Variants in STPG2 observed in about 807,000 individuals in gnomAD.
STPG2 encodes sperm-tail PG-rich repeat-containing protein 2.
Under a neutral mutation model 54.2 loss-of-function variants are expected in STPG2, and 56 were observed. That is an observed-to-expected ratio of 1.03 (90% CI 0.83 to 1.29). The LOEUF is 1.29. STPG2 is among the 50% of genes most tolerant of loss of function. The pLI, the probability that STPG2 is intolerant of heterozygous loss-of-function variation, is 0.00. For missense variants in STPG2, 596 were observed against 544.9 expected (o/e 1.09, Z -0.93); for synonymous variants, 200 against 181.8 (o/e 1.10, Z -0.81).
At chr4:97,737,666 A>C (rs4586948) in intron 9 of STPG2, among the ~76,000 whole-genome samples, 1 of 151,994 alleles carries the variant, frequency 6.6e-6, no homozygotes, top group Non-Finnish European at 1.5e-5. Context: ...AGAGAAAAAA[A>C]AATAAAAAGA....
rs145035984 is a variant in STPG2, at chr4:97,507,556, C to G, written c.462+205143G>C. ...AATCCCACAGGTTAAAGGGCAAAAT[C>G]CTCCATAAGACTGCCCTCATTTCAG... On this transcript the variant is annotated intron_variant, in intron 4 of 4. Coordinates refer to the STPG2 transcript ENST00000522676. Among the ~76,000 whole-genome samples the G allele has an allele frequency of 9.7e-3, 1,470 of 152,126 alleles. 19 individuals are homozygous for G. The highest frequency in any genetic ancestry group is 0.033 in the African/African-American group (1,391 of 41,532).
At chr4:98,070,250 G>A (rs901752586) in intron 5 of STPG2, among the ~76,000 whole-genome samples, 8 of 151,884 alleles carry the variant, frequency 5.3e-5, no homozygotes, top group Admixed American at 5.3e-4. Flanking sequence ...CACACAAACA[G>A]AATTAAAGGC....
At chr4:97,739,872 C>T (rs1277653522) in intron 9 of STPG2, among the ~76,000 whole-genome samples, 1 of 152,038 alleles carries the variant, frequency 6.6e-6, no homozygotes, top group African/African-American at 2.4e-5. Context: ...ATGATGCCAG[C>T]ATCATCCTGA....
intron 8 of STPG2, among the ~76,000 whole-genome samples, chr4:97,905,875 A>G (rs1175825245): frequency 6.6e-6 from 1 of 152,200 alleles, no homozygotes; most frequent in Non-Finnish European, 1.5e-5. Context: ...CAGTGTGTAG[A>G]GGGAAATTTA....
intron 5 of STPG2, among the ~76,000 whole-genome samples, chr4:98,002,755 G>A (rs1267126872): frequency 2.6e-5 from 4 of 151,882 alleles, no homozygotes; most frequent in Non-Finnish European, 5.9e-5. Context: ...TGAAGATGAA[G>A]GAAATTCTTT....
intron 4 of STPG2, among the ~76,000 whole-genome samples, chr4:97,462,202 T>C (rs1282614416): frequency 6.6e-6 from 1 of 152,098 alleles, no homozygotes; most frequent in African/African-American, 2.4e-5. Flanking sequence ...TAAGACCAAC[T>C]TTCCATTGTC....
At chr4:98,080,822 T>C (rs779644822) in intron 5 of STPG2, among the ~76,000 whole-genome samples, 1 of 152,232 alleles carries the variant, frequency 6.6e-6, no homozygotes, top group Non-Finnish European at 1.5e-5. Flanking sequence ...ATGATCTCCA[T>C]TCTGACTCCT....
At chr4:98,066,748 CAAAA>C (rs1737849551) in intron 5 of STPG2, among the ~76,000 whole-genome samples, 1 of 152,058 alleles carries the variant, frequency 6.6e-6, no homozygotes, top group Non-Finnish European at 1.5e-5. Context: ...GTTTGTGAGT[CAAAA>C]AGATGTAATA....
intron 8 of STPG2, among the ~76,000 whole-genome samples, chr4:97,897,007 G>C (rs1017102550): frequency 3.3e-5 from 5 of 151,786 alleles, no homozygotes; most frequent in African/African-American, 1.2e-4. Context: ...CATCACCCAG[G>C]TATTAAGCCT....
At chr4:97,898,233 T>C (rs566807788) in intron 8 of STPG2, among the ~76,000 whole-genome samples, 2 of 152,258 alleles carry the variant, frequency 1.3e-5, no homozygotes, top group Non-Finnish European at 2.9e-5. Context: ...GACTTCTTTC[T>C]GGACTCTCTA....
At chr4:97,738,799 T>C (rs1255901828) in intron 9 of STPG2, among the ~76,000 whole-genome samples, 1 of 152,090 alleles carries the variant, frequency 6.6e-6, no homozygotes, top group Non-Finnish European at 1.5e-5. Flanking sequence ...ATTAGACAGA[T>C]CAACAAGACA....
At chr4:97,651,320 T>C (rs1722061271) in intron 10 of STPG2, among the ~76,000 whole-genome samples, 1 of 152,020 alleles carries the variant, frequency 6.6e-6, no homozygotes, top group African/African-American at 2.4e-5. Flanking sequence ...AACTTACAGT[T>C]GAAAAAGATT....
At chr4:98,048,818 G>C (rs992673905) in intron 5 of STPG2, 3 of 162,004 alleles carry the variant, frequency 1.9e-5, no homozygotes, top group Non-Finnish European at 4.2e-5. Flanking sequence ...GGTCTGGCTT[G>C]GCTGCAAAAC....
intron 8 of STPG2, among the ~76,000 whole-genome samples, chr4:97,847,842 C>T (rs1729003715): frequency 6.6e-6 from 1 of 152,184 alleles, no homozygotes; most frequent in African/African-American, 2.4e-5. Context: ...GTTCACCTTT[C>T]TCTCGCATAT....
chr4:97,810,462 CAAA>C (rs11386288), intron 9 of STPG2, among the ~76,000 whole-genome samples: 5 of 112,958 alleles, frequency 4.4e-5, no homozygotes, highest in African/African-American at 6.8e-5. Flanking sequence ...GACTCTGTCT[CAAA>C]AAAAAAAAAA....
At chr4:98,100,399 C>T (rs529770979) in intron 5 of STPG2, among the ~76,000 whole-genome samples, 2 of 152,022 alleles carry the variant, frequency 1.3e-5, no homozygotes, top group Non-Finnish European at 2.9e-5. Context: ...TAAGTTCAGA[C>T]AAAAACACCA....
At chr4:97,745,662 T>C (rs1220692025) in intron 9 of STPG2, among the ~76,000 whole-genome samples, 1 of 151,170 alleles carries the variant, frequency 6.6e-6, no homozygotes, top group Non-Finnish European at 1.5e-5. Context: ...TATTAGAGTT[T>C]AGTAAAACCT....
intron 8 of STPG2, among the ~76,000 whole-genome samples, chr4:97,861,356 T>C (rs776859430): frequency 2.6e-5 from 4 of 152,038 alleles, no homozygotes; most frequent in Non-Finnish European, 5.9e-5. Flanking sequence ...ATGCTGGCAA[T>C]GATGCAGAGA....
At chr4:98,071,797 T>C (rs768945429) in intron 5 of STPG2, among the ~76,000 whole-genome samples, 1 of 151,862 alleles carries the variant, frequency 6.6e-6, no homozygotes, top group Non-Finnish European at 1.5e-5. Flanking sequence ...TCAACAAACA[T>C]ATGAAAAAAA....
Sources: gnomAD v4.1 joint callset for allele counts (sites outside exome capture counted in the v4.1 genomes callset) on GRCh38, gnomAD v4.1.1 for gene constraint, MANE v1.5 for transcripts, NCBI Gene and HGNC (gene_info 2026-07-23, HGNC 2026-07-21) for gene names.